The following THSD4 variants were observed in gnomAD, a reference collection of about 807,000 sequenced individuals.
THSD4 encodes thrombospondin type-1 domain-containing protein 4.
THSD4 carries 69 observed loss-of-function variants against 119.0 expected under a neutral mutation model. The observed-to-expected ratio is 0.58, with a 90% CI of 0.48 to 0.71. The LOEUF (loss-of-function observed/expected upper bound fraction) is 0.71. Ranked by LOEUF, THSD4 falls within the 30% of genes least tolerant of loss-of-function variation. The probability of loss-of-function intolerance (pLI) is 0.00; values close to 1 mark genes in which losing one functional copy is unlikely to be tolerated. For synonymous variants in THSD4, 524 were observed against 540.4 expected (o/e 0.97, Z 0.42); for missense variants, 1,393 against 1,391.1 (o/e 1.00, Z -0.02).
At chr15:71,743,111 AG>A (rs1272005970) in intron 11 of THSD4, among the ~76,000 whole-genome samples, 3 of 152,120 alleles carry the variant, frequency 2.0e-5, no homozygotes, top group African/African-American at 7.2e-5. Flanking sequence ...AGAGAGCCAG[AG>A]GGCCTCTGAG....
intron 6 of THSD4, among the ~76,000 whole-genome samples, chr15:71,369,123 A>G (rs182010218): frequency 3.3e-5 from 5 of 152,182 alleles, no homozygotes; most frequent in Non-Finnish European, 7.3e-5. Context: ...ATTTTTGCAC[A>G]TTGATTTTGT....
At chr15:71,535,401 AC>A (rs2048675890) in intron 7 of THSD4, among the ~76,000 whole-genome samples, 1 of 152,218 alleles carries the variant, frequency 6.6e-6, no homozygotes, top group Non-Finnish European at 1.5e-5. Flanking sequence ...TATTTGAGTT[AC>A]GTCCATTTCG....
At chr15:71,763,555 T>A (rs544608236) in intron 15 of THSD4, among the ~76,000 whole-genome samples, 3 of 100,734 alleles carry the variant, frequency 3.0e-5, no homozygotes, top group South Asian at 5.2e-4. Context: ...TAAAAACAAA[T>A]TTTTTTTTTT....
intron 7 of THSD4, among the ~76,000 whole-genome samples, chr15:71,428,770 A>G (rs2046906498): frequency 6.6e-6 from 1 of 152,216 alleles, no homozygotes; most frequent in South Asian, 2.1e-4. Context: ...GGGCCCCAAC[A>G]GGAAATAACC....
intron 7 of THSD4, among the ~76,000 whole-genome samples, chr15:71,550,475 C>T (rs762260638): frequency 1.3e-5 from 2 of 152,176 alleles, no homozygotes; most frequent in Admixed American, 1.3e-4. Context: ...CTTGCTCTGT[C>T]GCCCAGACTG....
chr15:71,487,802 A>AAT (rs1267550300), intron 7 of THSD4, among the ~76,000 whole-genome samples: 1 of 151,986 alleles, frequency 6.6e-6, no homozygotes, highest in East Asian at 1.9e-4. Flanking sequence ...CTTTTCTTCC[A>AAT]ATATATCTTG....
intron 8 of THSD4, among the ~76,000 whole-genome samples, chr15:71,727,946 T>C (rs892658775): frequency 1.3e-5 from 2 of 152,002 alleles, no homozygotes; most frequent in African/African-American, 4.8e-5. Context: ...AATCAGAGCA[T>C]ATAGGGTCCA....
chr15:71,384,847 G>A (rs2046275972), intron 6 of THSD4, among the ~76,000 whole-genome samples: 1 of 152,184 alleles, frequency 6.6e-6, no homozygotes, highest in Admixed American at 6.5e-5. Context: ...AGAAAGTGGA[G>A]TACTCAATTC....
intron 4 of THSD4, among the ~76,000 whole-genome samples, chr15:71,216,449 A>T (rs930671791): frequency 2.0e-5 from 3 of 152,236 alleles, no homozygotes; most frequent in Non-Finnish European, 2.9e-5. Flanking sequence ...AGCCGCCTGA[A>T]GGTGGAAAGG....
intron 7 of THSD4, among the ~76,000 whole-genome samples, chr15:71,602,847 A>C (rs1160368134): frequency 6.6e-6 from 1 of 152,214 alleles, no homozygotes; most frequent in Admixed American, 6.5e-5. Context: ...TGAGTTGTAC[A>C]TTTTAAAAGG....
At position 71,687,648 on chromosome 15, in the gene THSD4, G is replaced by A. The variant is rs372398110; in HGVS notation, c.1357+26914G>A. On this transcript the variant is annotated intron_variant, in intron 8 of 17. Transcript: ENST00000261862. ...TGGGCACCTGTAATCCCAGTTACTC[G>A]GAAGGCTGAGGCAGGAGAATTGCTT... Among the ~76,000 whole-genome samples the A allele has an allele frequency of 2.7e-4, 41 of 151,952 alleles. No homozygotes were observed. The East Asian group carries it at 6.8e-3, about 25-fold the overall frequency.
chr15:71,417,471 G>A (rs1400627773), intron 7 of THSD4, among the ~76,000 whole-genome samples: 1 of 108,004 alleles, frequency 9.3e-6, no homozygotes, highest in Non-Finnish European at 2.0e-5. Flanking sequence ...AGTTTTCCCA[G>A]CACCATTTTT....
At chr15:71,602,635 G>A (rs141679359) in intron 7 of THSD4, among the ~76,000 whole-genome samples, 53 of 149,088 alleles carry the variant, frequency 3.6e-4, no homozygotes, top group African/African-American at 1.2e-3. Context: ...TAAATGTTAC[G>A]TTCAGTTTAG....
At chr15:71,707,764 G>A (rs908891786) in intron 8 of THSD4, among the ~76,000 whole-genome samples, 1 of 152,142 alleles carries the variant, frequency 6.6e-6, no homozygotes, top group South Asian at 2.1e-4. Flanking sequence ...TTCCAGGCTG[G>A]CTTTAAGTAA....
intron 8 of THSD4, among the ~76,000 whole-genome samples, chr15:71,698,620 GTGAAATATATACATGCATGTATATATACA>G (rs1455042386): frequency 8.1e-4 from 111 of 137,784 alleles, no homozygotes; most frequent in Non-Finnish European, 1.3e-3. Context: ...TGAAGAACTT[GTGAAATATATACATGCATGTATATATACA>G]TGAAATATAT....
intron 7 of THSD4, among the ~76,000 whole-genome samples, chr15:71,562,955 G>A (rs1007389519): frequency 1.1e-4 from 16 of 151,918 alleles, no homozygotes; most frequent in Non-Finnish European, 1.9e-4. Context: ...CACCCGCCTC[G>A]GCCTCCCAAA....
At chr15:71,205,797 T>G (rs1292924018) in intron 3 of THSD4, among the ~76,000 whole-genome samples, 1 of 151,966 alleles carries the variant, frequency 6.6e-6, no homozygotes, top group Non-Finnish European at 1.5e-5. Context: ...TAACATTAAA[T>G]CATCTGTCTC....
intron 5 of THSD4, among the ~76,000 whole-genome samples, chr15:71,251,319 C>T (rs187894880): frequency 6.6e-6 from 1 of 152,168 alleles, no homozygotes; most frequent in African/African-American, 2.4e-5. Context: ...CCACAGTGGA[C>T]ATTTGGTGTC....
At chr15:71,196,777 G>A (rs2043723190) in intron 3 of THSD4, among the ~76,000 whole-genome samples, 1 of 152,162 alleles carries the variant, frequency 6.6e-6, no homozygotes, top group East Asian at 1.9e-4. Flanking sequence ...TCTGGTGTTA[G>A]GGGGAGATTC....
Sources: gnomAD v4.1 joint callset for allele counts (sites outside exome capture counted in the v4.1 genomes callset) on GRCh38, gnomAD v4.1.1 for gene constraint, MANE v1.5 for transcripts, NCBI Gene and HGNC (gene_info 2026-07-23, HGNC 2026-07-21) for gene names.